Variants in EEF2K observed in about 807,000 individuals in gnomAD.
EEF2K encodes the protein eukaryotic elongation factor 2 kinase.
EEF2K carries 70 observed loss-of-function variants against 93.8 expected under a neutral mutation model. The ratio of observed to expected loss-of-function variants is 0.75; its 90% CI spans 0.62 to 0.91. The LOEUF is 0.91. Ranked by LOEUF, EEF2K falls within the 40% of genes least tolerant of loss-of-function variation. The pLI is 0.00. For missense variants in EEF2K, 935 were observed against 972.9 expected (o/e 0.96, Z 0.52); for synonymous variants, 376 against 380.8 (o/e 0.99, Z 0.15).
At chr16:22,278,070 G>A (rs2047655891) in intron 16 of EEF2K, among the ~76,000 whole-genome samples, 1 of 152,074 alleles carries the variant, frequency 6.6e-6, no homozygotes, top group South Asian at 2.1e-4. Flanking sequence ...AGCCAGGCGT[G>A]GTGACATGCC....
chr16:22,284,224 G>T lies in EEF2K; in HGVS notation c.*228G>T, dbSNP rs2047729662. 5.9e-6 allele frequency: 3 copies of T among 505,426 alleles called. No homozygotes were observed. Among genetic ancestry groups the T allele is most frequent in the Non-Finnish European group, 1.1e-5 (3 of 280,650 alleles). 31.3% of individuals were successfully genotyped at this position (505,426 alleles called of 1,614,324 possible). ...TAGGGCAGTATTTTGGGGAAGTGGG[G>T]CTTGAAGAAGCAGCCTAATGAACCA... is the stretch of plus-strand genomic sequence containing the variant. On this transcript the variant is annotated 3_prime_UTR_variant, in exon 18 of 18. Coordinates refer to ENST00000263026, the MANE Select transcript of EEF2K (RefSeq NM_013302.5).
At position 22,284,484 on chromosome 16, in the gene EEF2K, T is replaced by A. The variant is rs937587097; in HGVS notation, c.*488T>A. 6.4e-6 allele frequency: 1 copy of A among 155,346 alleles called. No homozygotes were observed. Among genetic ancestry groups the A allele is most frequent in the Admixed American group, 6.3e-5 (1 of 15,928 alleles). The allele number at this position is 155,346 out of a possible 1,614,324, so 9.6% of individuals were successfully genotyped here. On this transcript the variant is annotated 3_prime_UTR_variant, in exon 18 of 18. Coordinates refer to ENST00000263026, the MANE Select transcript of EEF2K (RefSeq NM_013302.5). ...TTAGTAGAGATGGGGTTTCACCATG[T>A]TGGCCAGGCTGGTCTCGAACTCCTA...
chr16:22,228,738 C>T lies in EEF2K; in HGVS notation c.246+2763C>T, dbSNP rs190732569. ...AAAACATATAATTTAGTTATCTTGA[C>T]CAGTCAACTTTGAAGCTGGACAGCT... On this transcript the variant is annotated intron_variant, in intron 2 of 17. Transcript: ENST00000263026. Among the ~76,000 whole-genome samples the T allele has an allele frequency of 1.4e-3, 208 of 152,240 alleles. 2 individuals carry two copies. Among genetic ancestry groups the T allele is most frequent in the Middle Eastern group, 0.01 (3 of 294 alleles).
chr16:22,284,064 A>C lies in EEF2K; in HGVS notation c.*68A>C. 3.0e-6 allele frequency: 4 copies of C among 1,338,474 alleles called. No individual in the cohort carries two copies. The highest frequency in any genetic ancestry group is 1.5e-5 in the African/African-American group (1 of 67,928). 82.9% of individuals were successfully genotyped at this position (1,338,474 alleles called of 1,614,324 possible). A position where few individuals can be genotyped will look rare whatever the true frequency, so the allele number is the denominator to read the frequency against. ...GAGGAAAGATTAAAAAAACAACAAC[A>C]ACAACTTATTTAGTTTGGGGAGGGG... On this transcript the variant is annotated 3_prime_UTR_variant, in exon 18 of 18. Coordinates refer to ENST00000263026, the MANE Select transcript of EEF2K (RefSeq NM_013302.5).
chr16:22,228,016 T>TC (rs1411216141), intron 2 of EEF2K, among the ~76,000 whole-genome samples: 1 of 139,902 alleles, frequency 7.1e-6, no homozygotes, highest in East Asian at 2.1e-4. Context: ...CTTTTTTTTT[T>TC]TTTTTTTTTT....
intron 6 of EEF2K, among the ~76,000 whole-genome samples, chr16:22,253,342 G>C (rs1278376001): frequency 6.6e-6 from 1 of 152,184 alleles, no homozygotes; most frequent in African/African-American, 2.4e-5. Flanking sequence ...AGCACCTGCT[G>C]TTTGCAGAGC....
chr16:22,235,840 C>T (rs890520393), intron 2 of EEF2K, among the ~76,000 whole-genome samples: 2 of 152,158 alleles, frequency 1.3e-5, no homozygotes, highest in Non-Finnish European at 2.9e-5. Flanking sequence ...TGCTGTTGCC[C>T]AGGCTGGAGT....
chr16:22,242,983 G>A (rs556546552), intron 2 of EEF2K, among the ~76,000 whole-genome samples: 2 of 151,942 alleles, frequency 1.3e-5, no homozygotes, highest in South Asian at 4.2e-4. Flanking sequence ...AGCTACTCAG[G>A]AGGCTGAGGC....
chr16:22,208,263 C>CT (rs1348663387), intron 1 of EEF2K, among the ~76,000 whole-genome samples: 1 of 152,164 alleles, frequency 6.6e-6, no homozygotes, highest in East Asian at 1.9e-4. Context: ...TGGCTCAGGC[C>CT]TTTAATCTCA....
chr16:22,217,095 A>C (rs2046964380), intron 1 of EEF2K, among the ~76,000 whole-genome samples: 1 of 145,342 alleles, frequency 6.9e-6, no homozygotes, highest in Non-Finnish European at 1.5e-5. Flanking sequence ...TAGGAAACAG[A>C]GGTTGCAGTG....
At chr16:22,214,652 C>T (rs1443072191) in intron 1 of EEF2K, among the ~76,000 whole-genome samples, 3 of 151,782 alleles carry the variant, frequency 2.0e-5, no homozygotes, top group Non-Finnish European at 4.4e-5. Flanking sequence ...CCAACAGAGC[C>T]AGACTCTCTC....
intron 2 of EEF2K, among the ~76,000 whole-genome samples, chr16:22,233,576 A>G (rs2047137642): frequency 6.6e-6 from 1 of 151,470 alleles, no homozygotes; most frequent in Non-Finnish European, 1.5e-5. Flanking sequence ...AATCCCAGCT[A>G]CTCCACAGGC....
At chr16:22,264,289 C>CAAAAAA (rs59993193) in intron 12 of EEF2K, among the ~76,000 whole-genome samples, 1 of 39,898 alleles carries the variant, frequency 2.5e-5, no homozygotes, top group Non-Finnish European at 4.7e-5. Flanking sequence ...GAGACTGTCT[C>CAAAAAA]AAAAAAAAAA....
chr16:22,255,829 G>C (rs944657891), intron 6 of EEF2K, among the ~76,000 whole-genome samples: 1 of 152,050 alleles, frequency 6.6e-6, no homozygotes, highest in African/African-American at 2.4e-5. Context: ...AGGATCACTT[G>C]AGCCCAGAAG....
chr16:22,268,381 G>C (rs1179986031), intron 15 of EEF2K, among the ~76,000 whole-genome samples: 1 of 151,904 alleles, frequency 6.6e-6, no homozygotes, highest in Non-Finnish European at 1.5e-5. Context: ...ATGTTGGCCA[G>C]ACTGGTCTGG....
chr16:22,209,557 AC>A (rs1344586751), intron 1 of EEF2K, among the ~76,000 whole-genome samples: 1 of 152,212 alleles, frequency 6.6e-6, no homozygotes, highest in African/African-American at 2.4e-5. Context: ...AGGGCTATAG[AC>A]AAAGTAATAG....
intron 2 of EEF2K, among the ~76,000 whole-genome samples, chr16:22,239,488 G>A (rs970683350): frequency 3.3e-5 from 5 of 152,154 alleles, no homozygotes; most frequent in African/African-American, 7.2e-5. Context: ...TGTAGCAGCC[G>A]GAATATGAGC....
intron 1 of EEF2K, among the ~76,000 whole-genome samples, chr16:22,210,508 T>C (rs1305650318): frequency 1.3e-5 from 2 of 152,180 alleles, no homozygotes; most frequent in African/African-American, 2.4e-5. Flanking sequence ...CTGCAGTGGC[T>C]GCTGCGGCAG....
intron 1 of EEF2K, among the ~76,000 whole-genome samples, chr16:22,207,203 C>T (rs897802468): frequency 6.6e-6 from 1 of 152,178 alleles, no homozygotes; most frequent in African/African-American, 2.4e-5. Flanking sequence ...ATTAATAAGC[C>T]GGTGGCCGCG....
Sources: allele counts gnomAD v4.1 joint callset (sites outside exome capture counted in the v4.1 genomes callset), GRCh38; gene constraint gnomAD v4.1.1; transcripts MANE v1.5; gene names NCBI Gene and HGNC (gene_info 2026-07-23, HGNC 2026-07-21).